The following FHL2 variants were observed in gnomAD, a reference collection of about 807,000 sequenced individuals.
The protein encoded by FHL2 is four and a half LIM domains 2, also known as four and a half LIM domains protein 2.
Under a neutral mutation model 32.7 loss-of-function variants are expected in FHL2, and 20 were observed. The observed-to-expected ratio is 0.61, with a 90% CI of 0.43 to 0.89. The LOEUF (loss-of-function observed/expected upper bound fraction) is 0.89. Ranked by LOEUF, FHL2 falls within the 40% of genes least tolerant of loss-of-function variation. The pLI is 0.00. For missense variants in FHL2, 311 were observed against 358.6 expected (o/e 0.87, Z 1.07); for synonymous variants, 123 against 128.1 (o/e 0.96, Z 0.27).
In FHL2 at chr2:105,398,884, C is replaced by A; in HGVS notation, c.-118G>T. 6.6e-7 allele frequency: 1 copy of A among 1,518,348 alleles called. No individual in the cohort carries two copies. Among genetic ancestry groups the A allele is most frequent in the Non-Finnish European group, 8.8e-7 (1 of 1,136,696 alleles). The allele number at this position is 1,518,348 out of a possible 1,614,324, so 94.1% of individuals were successfully genotyped here. On this transcript the variant is annotated 5_prime_UTR_variant, in exon 1 of 7. Coordinates refer to ENST00000530340, the MANE Select transcript of FHL2 (RefSeq NM_001318895.3). Reference sequence around the variant, plus strand: ...GCTCTGCTCCCCTCTCCTTGGGTCTCGCACCGGATTCGGCCCCCACTTCCG... The same window carrying A: ...GCTCTGCTCCCCTCTCCTTGGGTCTAGCACCGGATTCGGCCCCCACTTCCG...
At chr2:105,417,684 C>CAAAAAAAA (rs11353319) in intron 1 of FHL2, among the ~76,000 whole-genome samples, 5 of 89,390 alleles carry the variant, frequency 5.6e-5, no homozygotes, top group African/African-American at 1.3e-4. Context: ...ACTCCATCTC[C>CAAAAAAAA]AAAAAAAAAA....
chr2:105,430,655 C>T (rs896124342), intron 1 of FHL2, among the ~76,000 whole-genome samples: 12 of 152,116 alleles, frequency 7.9e-5, no homozygotes, highest in East Asian at 1.9e-4. Flanking sequence ...GCAACAAGAG[C>T]GAAACTCCAT....
intron 1 of FHL2, among the ~76,000 whole-genome samples, chr2:105,435,580 G>C (rs1362435420): frequency 6.6e-6 from 1 of 152,138 alleles, no homozygotes; most frequent in East Asian, 1.9e-4. Context: ...ACAGCACTTT[G>C]GGAGGCTGAG....
intron 1 of FHL2, among the ~76,000 whole-genome samples, chr2:105,418,678 A>G (rs891960110): frequency 6.6e-6 from 1 of 152,210 alleles, no homozygotes; most frequent in African/African-American, 2.4e-5. Flanking sequence ...ATTTATTCAT[A>G]CAGTAGCGCC....
intron 1 of FHL2, among the ~76,000 whole-genome samples, chr2:105,414,560 G>A (rs1260024752): frequency 3.3e-5 from 5 of 152,054 alleles, no homozygotes; most frequent in Non-Finnish European, 7.4e-5. Context: ...GTTTGGTTTG[G>A]TTTGGTTTTT....
upstream of FHL2, chr2:105,438,527 C>CAGTG (rs1684684737): frequency 1.0e-6 from 1 of 985,520 alleles, no homozygotes; most frequent in African/African-American, 1.7e-5. Flanking sequence ...CTGCCCTTGT[C>CAGTG]AGTGGCGCTA....
At chr2:105,402,121 A>C (rs539276672), upstream of FHL2, among the ~76,000 whole-genome samples, 10 of 149,512 alleles carry the variant, frequency 6.7e-5, no homozygotes, top group African/African-American at 9.8e-5. Flanking sequence ...ATATATACAT[A>C]TATACATATA....
At chr2:105,397,573 T>C (rs1464870832) in intron 1 of FHL2, among the ~76,000 whole-genome samples, 1 of 152,130 alleles carries the variant, frequency 6.6e-6, no homozygotes, top group Admixed American at 6.5e-5. Flanking sequence ...TGAGCTAAAA[T>C]GAGACAGAAC....
chr2:105,411,438 C>G (rs1253814155), intron 1 of FHL2, among the ~76,000 whole-genome samples: 1 of 151,076 alleles, frequency 6.6e-6, no homozygotes, highest in Non-Finnish European at 1.5e-5. Flanking sequence ...CTTGATAAAC[C>G]TTGTCTCTTA....
chr2:105,396,390 C>T (rs766749215), intron 2 of FHL2, among the ~76,000 whole-genome samples: 24 of 152,200 alleles, frequency 1.6e-4, no homozygotes, highest in African/African-American at 5.8e-4. Flanking sequence ...CCCTCTTACT[C>T]AGTTTTTTTG....
chr2:105,434,241 T>C (rs1331493581), intron 1 of FHL2, among the ~76,000 whole-genome samples: 3 of 152,216 alleles, frequency 2.0e-5, no homozygotes, highest in Non-Finnish European at 4.4e-5. Flanking sequence ...TCTTTTGCAA[T>C]TGAAGTCTAA....
chr2:105,417,822 T>C (rs1047118824), intron 1 of FHL2, among the ~76,000 whole-genome samples: 11 of 152,180 alleles, frequency 7.2e-5, no homozygotes, highest in African/African-American at 2.2e-4. Context: ...GCTTTTCTTT[T>C]TCCCCCTACT....
intron 1 of FHL2, among the ~76,000 whole-genome samples, chr2:105,436,585 T>A (rs1684619095): frequency 6.6e-6 from 1 of 152,092 alleles, no homozygotes; most frequent in Admixed American, 6.6e-5. Context: ...TTTTGTTAAT[T>A]ATTATTTACA....
chr2:105,414,088 A>G (rs1037933839), intron 1 of FHL2, among the ~76,000 whole-genome samples: 2 of 152,178 alleles, frequency 1.3e-5, no homozygotes, highest in African/African-American at 4.8e-5. Context: ...CTTGGCTTCC[A>G]TTAATTTGGT....
chr2:105,367,666 T>C lies in FHL2; in HGVS notation c.405A>G (p.Pro135=). 6.2e-7 allele frequency: 1 copy of C among 1,614,244 alleles called. No homozygotes were observed. Among genetic ancestry groups the C allele is most frequent in the Non-Finnish European group, 8.5e-7 (1 of 1,180,036 alleles). The change falls in exon 5 of 7, where the codon CCA becomes CCG. Residue 135 remains proline (P), a synonymous_variant. Coordinates refer to ENST00000530340, the MANE Select transcript of FHL2 (RefSeq NM_001318895.3). ...TGGGGATGAAACTCTTGGTTCCAAT[T>C]GGCTGCTGGCAGCGGTGGCAGATGA... ...TCFICHRCQQ[P]IGTKSFIPKD...
chr2:105,367,284 C>A (rs1680703648), intron 5 of FHL2, among the ~76,000 whole-genome samples: 1 of 152,208 alleles, frequency 6.6e-6, no homozygotes, highest in Non-Finnish European at 1.5e-5. Flanking sequence ...GGCTCCCCTT[C>A]CCTCTAACCT....
intron 2 of FHL2, among the ~76,000 whole-genome samples, chr2:105,394,722 T>C (rs1683004626): frequency 6.6e-6 from 1 of 152,240 alleles, no homozygotes; most frequent in African/African-American, 2.4e-5. Context: ...AAATTGACTA[T>C]GCTTACCACT....
At chr2:105,438,405 T>A in exon 1 of FHL2, 2 of 985,498 alleles carry the variant, frequency 2.0e-6, no homozygotes, top group Non-Finnish European at 2.4e-6. Context: ...TTACCTGTGG[T>A]TTTAGGGTTC....
At chr2:105,427,898 A>T (rs1202898121) in intron 1 of FHL2, among the ~76,000 whole-genome samples, 2 of 152,158 alleles carry the variant, frequency 1.3e-5, no homozygotes, top group Non-Finnish European at 2.9e-5. Context: ...CTCAGTTTGG[A>T]CCATAAATTC....
Sources: allele counts gnomAD v4.1 joint callset (sites outside exome capture counted in the v4.1 genomes callset), GRCh38; gene constraint gnomAD v4.1.1; transcripts MANE v1.5; gene names NCBI Gene and HGNC (gene_info 2026-07-23, HGNC 2026-07-21).